The following SGCZ variants were observed in gnomAD, a reference collection of about 807,000 sequenced individuals.
The protein encoded by SGCZ is zeta-sarcoglycan.
In SGCZ, 40 loss-of-function variants were observed where a neutral mutation model predicts 41.3. The ratio of observed to expected loss-of-function variants is 0.97; its 90% CI spans 0.75 to 1.26. The LOEUF (loss-of-function observed/expected upper bound fraction) is 1.26, where lower values mean the gene tolerates loss of function less well. Among genes scored for constraint, SGCZ ranks in the 50% most tolerant of loss-of-function variants. SGCZ has a pLI of 0.00. For missense variants in SGCZ, 552 were observed against 369.8 expected, an observed-to-expected ratio of 1.49 and a Z score of -4.04; for synonymous variants, 206 against 137.5, an observed-to-expected ratio of 1.50 and a Z score of -3.49.
chr8:14,220,985 A>C (rs771235652), intron 4 of SGCZ, among the ~76,000 whole-genome samples: 4 of 149,604 alleles, frequency 2.7e-5, no homozygotes, highest in Non-Finnish European at 5.9e-5. Context: ...TTAGAGTTTC[A>C]GTATTTATTT....
chr8:14,536,531 T>C (rs1265975972), intron 2 of SGCZ, among the ~76,000 whole-genome samples: 1 of 151,876 alleles, frequency 6.6e-6, no homozygotes, highest in Non-Finnish European at 1.5e-5. Context: ...CTAAATAAAA[T>C]TTTAATGAAA....
At chr8:14,153,008 T>C (rs868502281) in intron 5 of SGCZ, among the ~76,000 whole-genome samples, 3 of 152,012 alleles carry the variant, frequency 2.0e-5, no homozygotes, top group South Asian at 2.1e-4. Flanking sequence ...TAAGTGATTG[T>C]CGGGGGTTAA....
chr8:15,155,995 T>A (rs1799318620), intron 1 of SGCZ, among the ~76,000 whole-genome samples: 1 of 145,966 alleles, frequency 6.9e-6, no homozygotes, highest in Non-Finnish European at 1.5e-5. Flanking sequence ...GAGGCAGAGG[T>A]TGCAGTGAGC....
chr8:14,120,164 TC>T (rs1182583717), intron 5 of SGCZ, among the ~76,000 whole-genome samples: 11 of 152,288 alleles, frequency 7.2e-5, no homozygotes, highest in African/African-American at 2.6e-4. Context: ...TAAAGAATTA[TC>T]AGGACCATTC....
At chr8:15,228,555 T>C (rs1801846302) in intron 1 of SGCZ, among the ~76,000 whole-genome samples, 1 of 152,190 alleles carries the variant, frequency 6.6e-6, no homozygotes, top group African/African-American at 2.4e-5. Context: ...TTAAAATAGC[T>C]CATTTATTTT....
chr8:14,577,751 G>C (rs973742038), intron 1 of SGCZ, among the ~76,000 whole-genome samples: 1 of 152,138 alleles, frequency 6.6e-6, no homozygotes, highest in Admixed American at 6.5e-5. Flanking sequence ...TCATAATAAA[G>C]TAACATTCAT....
intron 1 of SGCZ, among the ~76,000 whole-genome samples, chr8:14,851,809 G>A (rs780481817): frequency 4.6e-5 from 7 of 152,012 alleles, no homozygotes; most frequent in African/African-American, 7.2e-5. Context: ...CTAAGATGGT[G>A]GGGAAAGGAT....
chr8:14,766,518 C>A (rs942342215), intron 1 of SGCZ, among the ~76,000 whole-genome samples: 1 of 151,856 alleles, frequency 6.6e-6, no homozygotes, highest in Non-Finnish European at 1.5e-5. Context: ...ATCAAAAAGA[C>A]AATAATACTT....
chr8:14,713,930 G>A (rs756941961), intron 1 of SGCZ, among the ~76,000 whole-genome samples: 1 of 151,982 alleles, frequency 6.6e-6, no homozygotes, highest in South Asian at 2.1e-4. Context: ...ACTTTATAGA[G>A]AGGTAACTCC....
chr8:14,411,906 A>C (rs1390705368), intron 2 of SGCZ, among the ~76,000 whole-genome samples: 1 of 152,152 alleles, frequency 6.6e-6, no homozygotes, highest in Admixed American at 6.6e-5. Context: ...TCAATCTTAC[A>C]TGACCTCTGA....
At chr8:14,210,227 T>G (rs973635431) in intron 4 of SGCZ, among the ~76,000 whole-genome samples, 1 of 152,098 alleles carries the variant, frequency 6.6e-6, no homozygotes, top group South Asian at 2.1e-4. Context: ...TCTAGCTAAT[T>G]TTTGCATTTT....
At chr8:14,706,114 C>A (rs887311891) in intron 1 of SGCZ, among the ~76,000 whole-genome samples, 2 of 151,902 alleles carry the variant, frequency 1.3e-5, no homozygotes, top group Non-Finnish European at 2.9e-5. Context: ...AATTTTCCCC[C>A]CCATGGTCTA....
intron 1 of SGCZ, among the ~76,000 whole-genome samples, chr8:14,646,912 AGAC>A (rs1807240162): frequency 2.6e-5 from 4 of 151,964 alleles, no homozygotes; most frequent in African/African-American, 9.7e-5. Context: ...AAAATAAAGA[AGAC>A]TTTATACTTC....
chr8:14,867,774 G>C (rs971754982), intron 1 of SGCZ, among the ~76,000 whole-genome samples: 3 of 152,058 alleles, frequency 2.0e-5, no homozygotes, highest in Non-Finnish European at 4.4e-5. Flanking sequence ...AGGGTGGAGA[G>C]TGGGAGAAGG....
intron 1 of SGCZ, among the ~76,000 whole-genome samples, chr8:14,629,493 G>C (rs1276688890): frequency 6.6e-6 from 1 of 152,040 alleles, no homozygotes; most frequent in Admixed American, 6.6e-5. Context: ...GTCAGTAGTG[G>C]TCTAGATTCT....
At chr8:14,999,784 A>G (rs1389889870) in intron 1 of SGCZ, among the ~76,000 whole-genome samples, 1 of 152,210 alleles carries the variant, frequency 6.6e-6, no homozygotes, top group African/African-American at 2.4e-5. Context: ...CCCATGCACC[A>G]TGCAAAGTAA....
intron 1 of SGCZ, among the ~76,000 whole-genome samples, chr8:14,935,835 G>A (rs1483972122): frequency 1.3e-5 from 2 of 151,678 alleles, no homozygotes; most frequent in Non-Finnish European, 3.0e-5. Flanking sequence ...TACATATAAA[G>A]GGACCCTGCT....
intron 2 of SGCZ, among the ~76,000 whole-genome samples, chr8:14,357,861 G>A (rs114519928): frequency 0.012 from 1,766 of 152,178 alleles, 36 homozygotes; most frequent in African/African-American, 0.038. Context: ...TTGATCAGTC[G>A]ACCACTGTAC....
intron 1 of SGCZ, among the ~76,000 whole-genome samples, chr8:14,610,199 A>C (rs1286820663): frequency 2.0e-5 from 3 of 152,264 alleles, no homozygotes; most frequent in Middle Eastern, 6.8e-3. Flanking sequence ...CCTATATTAC[A>C]TTGTTACAAG....
Sources: gnomAD v4.1 joint callset for allele counts (sites outside exome capture counted in the v4.1 genomes callset) on GRCh38, gnomAD v4.1.1 for gene constraint, MANE v1.5 for transcripts, NCBI Gene and HGNC (gene_info 2026-07-23, HGNC 2026-07-21) for gene names.